CDH13: variants seen among roughly 807,000 people sequenced by gnomAD.
CDH13 encodes cadherin 13.
CDH13 carries 24 observed loss-of-function variants against 63.8 expected under a neutral mutation model. The ratio of observed to expected loss-of-function variants is 0.38; its 90% CI spans 0.27 to 0.53. CDH13 has a LOEUF of 0.53. CDH13 is among the 20% of genes least tolerant of loss of function. CDH13 has a pLI of 0.85. For missense variants in CDH13, 1,049 were observed against 903.1 expected, an observed-to-expected ratio of 1.16 and a Z score of -2.07; for synonymous variants, 503 against 355.3, an observed-to-expected ratio of 1.42 and a Z score of -4.67.
intron 8 of CDH13, among the ~76,000 whole-genome samples, chr16:83,667,137 A>T (rs1242693188): frequency 6.6e-6 from 1 of 152,044 alleles, no homozygotes; most frequent in Non-Finnish European, 1.5e-5. Context: ...GGATAAATAG[A>T]TAGATGGATG....
chr16:82,850,334 G>C (rs2039431718), intron 1 of CDH13, among the ~76,000 whole-genome samples: 1 of 152,228 alleles, frequency 6.6e-6, no homozygotes, highest in Admixed American at 6.5e-5. Flanking sequence ...AGGAAGTGCA[G>C]AAGTGGTCGA....
At chr16:83,707,841 A>AC (rs1907355029) in intron 10 of CDH13, among the ~76,000 whole-genome samples, 1 of 72,010 alleles carries the variant, frequency 1.4e-5, no homozygotes, top group Admixed American at 1.2e-4. Context: ...AAAGGCAAAA[A>AC]AAAAAAAAAA....
At chr16:83,077,152 C>G (rs1460987354) in intron 3 of CDH13, among the ~76,000 whole-genome samples, 2 of 104,368 alleles carry the variant, frequency 1.9e-5, no homozygotes, top group African/African-American at 7.1e-5. Context: ...ATAAGATTTT[C>G]TTTTTCTTTC....
intron 3 of CDH13, among the ~76,000 whole-genome samples, chr16:83,074,915 A>G (rs532093357): frequency 6.6e-6 from 1 of 152,224 alleles, no homozygotes; most frequent in Non-Finnish European, 1.5e-5. Context: ...TTGGTGTCCA[A>G]CACTTATAAT....
At chr16:83,122,992 A>G (rs970441583) in intron 3 of CDH13, among the ~76,000 whole-genome samples, 3 of 152,002 alleles carry the variant, frequency 2.0e-5, no homozygotes, top group African/African-American at 4.8e-5. Context: ...ACAAGTACCC[A>G]TTGTTGAGCT....
intron 5 of CDH13, among the ~76,000 whole-genome samples, chr16:83,303,215 C>A (rs1396632195): frequency 1.3e-5 from 2 of 152,222 alleles, no homozygotes; most frequent in Non-Finnish European, 2.9e-5. Flanking sequence ...GGTTCACCTT[C>A]TGCCCTCTGA....
chr16:83,255,057 T>C (rs770416582), intron 5 of CDH13, among the ~76,000 whole-genome samples: 4 of 138,396 alleles, frequency 2.9e-5, no homozygotes, highest in Non-Finnish European at 6.4e-5. Context: ...GAAGCTTCTT[T>C]GCCCAAGGTG....
At chr16:82,922,665 A>G (rs1038827694) in intron 2 of CDH13, among the ~76,000 whole-genome samples, 2 of 152,114 alleles carry the variant, frequency 1.3e-5, no homozygotes, top group Admixed American at 1.3e-4. Flanking sequence ...GAATTTTATG[A>G]CCCATGCCTG....
At chr16:82,841,515 C>T (rs2039009363) in intron 1 of CDH13, among the ~76,000 whole-genome samples, 1 of 152,172 alleles carries the variant, frequency 6.6e-6, no homozygotes, top group African/African-American at 2.4e-5. Context: ...GCTAGGACTC[C>T]AGATAAAACA....
At chr16:83,177,800 A>G (rs138650201) in intron 4 of CDH13, among the ~76,000 whole-genome samples, 1 of 152,216 alleles carries the variant, frequency 6.6e-6, no homozygotes, top group Non-Finnish European at 1.5e-5. Context: ...AGTTCCCCTT[A>G]TTGTGTGCTC....
intron 4 of CDH13, among the ~76,000 whole-genome samples, chr16:83,177,695 G>C (rs60585710): frequency 0.075 from 11,384 of 152,200 alleles, 520 homozygotes; most frequent in Non-Finnish European, 0.09. Flanking sequence ...ACCCACGCCT[G>C]TTACTCAAAA....
chr16:83,269,329 T>C (rs1174332570), intron 5 of CDH13, among the ~76,000 whole-genome samples: 1 of 152,184 alleles, frequency 6.6e-6, no homozygotes, highest in Non-Finnish European at 1.5e-5. Context: ...ATTACAAAAC[T>C]TCATTAAATA....
At chr16:82,860,221 G>A in intron 2 of CDH13, among the ~76,000 whole-genome samples, 1 of 152,052 alleles carries the variant, frequency 6.6e-6, no homozygotes, top group Non-Finnish European at 1.5e-5. Context: ...AATAGAGTTG[G>A]TATGCAAAGT....
chr16:83,411,450 T>TTGTC (rs1254721838), intron 6 of CDH13, among the ~76,000 whole-genome samples: 1 of 152,236 alleles, frequency 6.6e-6, no homozygotes, highest in Admixed American at 6.5e-5. Flanking sequence ...AGCATGGGCC[T>TTGTC]TGTCTCTCTT....
intron 2 of CDH13, among the ~76,000 whole-genome samples, chr16:82,934,103 A>G (rs575617317): frequency 3.9e-5 from 6 of 152,322 alleles, no homozygotes; most frequent in African/African-American, 1.4e-4. Flanking sequence ...CTGATCCCAC[A>G]TTCCCCTTCT....
intron 7 of CDH13, among the ~76,000 whole-genome samples, chr16:83,525,826 A>G (rs1356951348): frequency 1.3e-5 from 2 of 152,162 alleles, no homozygotes; most frequent in Non-Finnish European, 2.9e-5. Flanking sequence ...TGAAGAAGAG[A>G]ACGGGACAGA....
intron 3 of CDH13, among the ~76,000 whole-genome samples, chr16:83,078,615 G>A (rs985407838): frequency 2.0e-5 from 3 of 152,198 alleles, no homozygotes; most frequent in African/African-American, 7.2e-5. Context: ...CATGGCCGAG[G>A]AGTTGGGGAC....
chr16:83,324,789 A>G (rs2090322558), intron 5 of CDH13, among the ~76,000 whole-genome samples: 1 of 152,166 alleles, frequency 6.6e-6, no homozygotes, highest in African/African-American at 2.4e-5. Flanking sequence ...GCATCATATC[A>G]TATGCTCACT....
intron 2 of CDH13, among the ~76,000 whole-genome samples, chr16:82,862,429 G>A (rs1205016550): frequency 1.3e-5 from 2 of 152,222 alleles, no homozygotes; most frequent in Non-Finnish European, 2.9e-5. Flanking sequence ...ATGGAAAAAT[G>A]TGTGGTCATT....
Sources: allele counts gnomAD v4.1 joint callset (sites outside exome capture counted in the v4.1 genomes callset), GRCh38; gene constraint gnomAD v4.1.1; transcripts MANE v1.5; gene names NCBI Gene and HGNC (gene_info 2026-07-23, HGNC 2026-07-21).